The following ARHGEF7 variants were observed in gnomAD, a reference collection of about 807,000 sequenced individuals.
The protein encoded by ARHGEF7 is PAK-interacting exchange factor beta.
Under a neutral mutation model 109.8 loss-of-function variants are expected in ARHGEF7, and 33 were observed. The observed-to-expected ratio is 0.30, with a 90% CI of 0.23 to 0.40. ARHGEF7 has a LOEUF of 0.40. ARHGEF7 is among the 10% of genes least tolerant of loss of function. The pLI, the probability that ARHGEF7 is intolerant of heterozygous loss-of-function variation, is 1.00. For synonymous variants in ARHGEF7, 458 were observed against 424.6 expected (o/e 1.08, Z -0.97); for missense variants, 938 against 1,098.5 (o/e 0.85, Z 2.07).
At chr13:111,118,562 C>A (rs948236123) in intron 1 of ARHGEF7, among the ~76,000 whole-genome samples, 2 of 152,086 alleles carry the variant, frequency 1.3e-5, no homozygotes, top group African/African-American at 2.4e-5. Flanking sequence ...CTGGGCTGCC[C>A]ATGTCTTCGG....
intron 2 of ARHGEF7, among the ~76,000 whole-genome samples, chr13:111,198,994 G>T (rs1018868157): frequency 6.6e-6 from 1 of 152,176 alleles, no homozygotes; most frequent in African/African-American, 2.4e-5. Flanking sequence ...TGATAGGTGC[G>T]TTTACAAACC....
At chr13:111,200,453 C>CTTT (rs34569096) in intron 2 of ARHGEF7, among the ~76,000 whole-genome samples, 154 of 146,262 alleles carry the variant, frequency 1.1e-3, no homozygotes, top group Non-Finnish European at 1.5e-3. Flanking sequence ...GAAATCATGT[C>CTTT]TTTTTTTTTT....
intron 5 of ARHGEF7, among the ~76,000 whole-genome samples, chr13:111,220,606 C>G (rs933755581): frequency 3.3e-5 from 5 of 152,106 alleles, no homozygotes; most frequent in African/African-American, 9.7e-5. Context: ...ATTTGTCTTG[C>G]AGTATGCTGT....
chr13:111,211,165 G>C (rs1348395759), intron 4 of ARHGEF7, among the ~76,000 whole-genome samples: 3 of 152,186 alleles, frequency 2.0e-5, no homozygotes, highest in Admixed American at 1.3e-4. Flanking sequence ...CAGCAGCCCC[G>C]AGAGGCCTGG....
chr13:111,216,423 G>A lies in ARHGEF7; in HGVS notation c.469-1256G>A, dbSNP rs550952820. 1.1e-4 allele frequency among the ~76,000 whole-genome samples: 17 copies of A among 152,158 alleles called. 1 individual carries two copies. Among genetic ancestry groups the A allele is most frequent in the African/African-American group, 3.6e-4 (15 of 41,516 alleles). ...GAATCACCTGCTGCCACCTGGTGGG[G>A]ATAGAGGCCTGGACTCTGCTGATGT... On this transcript the variant is annotated intron_variant, in intron 4 of 21. Coordinates refer to ENST00000646102, the MANE Select transcript of ARHGEF7 (RefSeq NM_001354046.2).
intron 2 of ARHGEF7, among the ~76,000 whole-genome samples, chr13:111,184,225 G>GTAA (rs1238300664): frequency 6.6e-6 from 1 of 152,156 alleles, no homozygotes; most frequent in African/African-American, 2.4e-5. Flanking sequence ...TGCCGTGATT[G>GTAA]TAAGTTCCCT....
At chr13:111,177,231 G>A (rs2078256815) in intron 2 of ARHGEF7, among the ~76,000 whole-genome samples, 1 of 152,236 alleles carries the variant, frequency 6.6e-6, no homozygotes, top group Non-Finnish European at 1.5e-5. Flanking sequence ...CACAGCTGGT[G>A]CATTGTGGCC....
At chr13:111,233,673 T>C (rs2086404635) in intron 6 of ARHGEF7, among the ~76,000 whole-genome samples, 1 of 152,254 alleles carries the variant, frequency 6.6e-6, no homozygotes, top group African/African-American at 2.4e-5. Context: ...GTAAGTACTT[T>C]AGACATAAGG....
intron 2 of ARHGEF7, among the ~76,000 whole-genome samples, chr13:111,156,227 A>G (rs927064264): frequency 7.9e-5 from 12 of 152,234 alleles, no homozygotes; most frequent in African/African-American, 2.9e-4. Context: ...GTTTTCACTA[A>G]CATATTCCAA....
intron 13 of ARHGEF7, among the ~76,000 whole-genome samples, chr13:111,278,407 G>A (rs980818461): frequency 6.6e-5 from 10 of 152,126 alleles, no homozygotes; most frequent in African/African-American, 1.9e-4. Context: ...AGCAGAAGCC[G>A]CCACTTCGTG....
chr13:111,179,451 C>T (rs577106169), intron 2 of ARHGEF7, among the ~76,000 whole-genome samples: 1 of 152,104 alleles, frequency 6.6e-6, no homozygotes, highest in African/African-American at 2.4e-5. Context: ...TGATCCTTAC[C>T]TCTGAATACT....
chr13:111,223,855 A>G (rs2084806547), intron 5 of ARHGEF7, among the ~76,000 whole-genome samples: 1 of 145,750 alleles, frequency 6.9e-6, no homozygotes, highest in African/African-American at 2.6e-5. Flanking sequence ...GGATTTCTAT[A>G]GCATTTTTTT....
intron 5 of ARHGEF7, among the ~76,000 whole-genome samples, chr13:111,230,280 A>G (rs779855886): frequency 6.6e-6 from 1 of 152,168 alleles, no homozygotes. Flanking sequence ...ATTAATTTTT[A>G]GCTACCAGAT....
chr13:111,160,009 C>T (rs946867448), intron 2 of ARHGEF7, among the ~76,000 whole-genome samples: 4 of 152,102 alleles, frequency 2.6e-5, no homozygotes, highest in African/African-American at 9.7e-5. Context: ...AGTCTTTAGT[C>T]CATTTTGAGT....
At chr13:111,212,271 A>G (rs1300508241) in intron 4 of ARHGEF7, among the ~76,000 whole-genome samples, 1 of 152,050 alleles carries the variant, frequency 6.6e-6, no homozygotes, top group Non-Finnish European at 1.5e-5. Flanking sequence ...AAGAACAGTC[A>G]GGGGAGAGTT....
At position 111,239,762 on chromosome 13, in the gene ARHGEF7, A is replaced by G. The variant is rs1277420283; in HGVS notation, c.760-4110A>G. 1.3e-5 allele frequency among the ~76,000 whole-genome samples: 2 copies of G among 151,852 alleles called. No individual in the cohort carries two copies. The highest frequency in any genetic ancestry group is 2.9e-5 in the Non-Finnish European group (2 of 67,952). On this transcript the variant is annotated intron_variant, in intron 6 of 21. Coordinates refer to ENST00000646102, the MANE Select transcript of ARHGEF7 (RefSeq NM_001354046.2). The surrounding 1 kb of genome is among the most constrained non-coding windows in gnomAD (Gnocchi z 4.3). ...TCACACCTGGCTCCCATTGTTTTTC[A>G]TGGGATTTCCTTGCTGTATCTGGAC...
At chr13:111,212,249 C>CCATT (rs2082590192) in intron 4 of ARHGEF7, among the ~76,000 whole-genome samples, 2 of 152,216 alleles carry the variant, frequency 1.3e-5, no homozygotes, top group African/African-American at 4.8e-5. Context: ...TGCCCCTCCA[C>CCATT]CATTCCAAGG....
Position 111,233,187 on chromosome 13 carries a change from G to C in ARHGEF7, c.671-18G>C. The C allele has an allele frequency of 6.2e-7, 1 of 1,604,782 alleles. No individual in the cohort carries two copies. The highest frequency in any genetic ancestry group is 8.5e-7 in the Non-Finnish European group (1 of 1,171,554). ...CTTTAGTACTGATCAGTAAAACTATGTTACATTTTCATTTCAGAGAAGCCT... is the reference window on the plus strand; with the variant it reads ...CTTTAGTACTGATCAGTAAAACTATCTTACATTTTCATTTCAGAGAAGCCT... On this transcript the variant is annotated intron_variant, in intron 5 of 21. Coordinates refer to ENST00000646102, the MANE Select transcript of ARHGEF7 (RefSeq NM_001354046.2).
chr13:111,246,881 G>T (rs770729149), intron 8 of ARHGEF7, among the ~76,000 whole-genome samples: 1 of 152,128 alleles, frequency 6.6e-6, no homozygotes, highest in Admixed American at 6.5e-5. Flanking sequence ...CCTCTGTTGG[G>T]CATTATATCA....
Sources: gnomAD v4.1 joint callset for allele counts (sites outside exome capture counted in the v4.1 genomes callset) on GRCh38, gnomAD v4.1.1 for gene constraint, Gnocchi (gnomAD v3.1) non-coding constraint, MANE v1.5 for transcripts, NCBI Gene and HGNC (gene_info 2026-07-23, HGNC 2026-07-21) for gene names.